The following DAB1 variants were observed in gnomAD, a reference collection of about 807,000 sequenced individuals.
DAB1 encodes disabled homolog 1.
A neutral mutation model predicts 64.6 loss-of-function variants in DAB1; 15 were observed. That is an observed-to-expected ratio of 0.23 (90% CI 0.16 to 0.36). DAB1 has a LOEUF of 0.36. Ranked by LOEUF, DAB1 falls within the 10% of genes least tolerant of loss-of-function variation. The pLI, the probability that DAB1 is intolerant of heterozygous loss-of-function variation, is 1.00. For missense variants in DAB1, 596 were observed against 706.7 expected, an observed-to-expected ratio of 0.84 and a Z score of 1.78; for synonymous variants, 235 against 251.9, an observed-to-expected ratio of 0.93 and a Z score of 0.64.
rs147545468 is a variant in DAB1 at position 58,056,435 on chromosome 1, C to T, written n.387+94076G>A. Reference sequence around the variant, plus strand: ...GTGCAGCGAATAGGCTGCACGTGGCCGCGGCCCTTTTTGGCACGACCATTG... The same window carrying T: ...GTGCAGCGAATAGGCTGCACGTGGCTGCGGCCCTTTTTGGCACGACCATTG... On this transcript the variant is annotated intron_variant and non_coding_transcript_variant, in intron 5 of 20. Transcript: ENST00000485760. The T allele has an allele frequency of 3.2e-4, 502 of 1,547,498 alleles. 3 individuals carry two copies. In the South Asian group the frequency reaches 3.4e-3, roughly 10 times the overall value.
chr1:57,595,414 A>AAGCTAC (rs111953307), intron 7 of DAB1, among the ~76,000 whole-genome samples: 6,538 of 152,098 alleles, frequency 0.043, 470 homozygotes, highest in African/African-American at 0.15. Flanking sequence ...ATTTAGAGCA[A>AAGCTAC]AGAAAGGAAA....
At chr1:57,047,505 C>A (rs1212815554) in intron 9 of DAB1, among the ~76,000 whole-genome samples, 4 of 151,208 alleles carry the variant, frequency 2.6e-5, no homozygotes, top group Non-Finnish European at 5.9e-5. Flanking sequence ...GTTCCCACCC[C>A]CTCACTACCA....
intron 5 of DAB1, among the ~76,000 whole-genome samples, chr1:57,971,388 C>T (rs1052244386): frequency 6.6e-6 from 1 of 152,190 alleles, no homozygotes; most frequent in South Asian, 2.1e-4. Context: ...ACCTGATTTT[C>T]ATGACTATCC....
chr1:58,026,780 A>AT (rs1475018797), intron 5 of DAB1, among the ~76,000 whole-genome samples: 1 of 152,042 alleles, frequency 6.6e-6, no homozygotes, highest in Non-Finnish European at 1.5e-5. Context: ...TCCATGGGAG[A>AT]TTTGTGTATA....
At chr1:57,260,074 C>A (rs911614582) in intron 2 of DAB1, among the ~76,000 whole-genome samples, 1 of 152,084 alleles carries the variant, frequency 6.6e-6, no homozygotes, top group African/African-American at 2.4e-5. Context: ...ATAGAGAACT[C>A]GGCCAAGAAG....
intron 3 of DAB1, among the ~76,000 whole-genome samples, chr1:58,365,219 C>T (rs1644205741): frequency 6.6e-6 from 1 of 152,186 alleles, no homozygotes; most frequent in African/African-American, 2.4e-5. Context: ...CTGGAGAAAG[C>T]ATTTCTCTAA....
At chr1:57,049,376 G>A (rs1035032843) in intron 9 of DAB1, among the ~76,000 whole-genome samples, 7 of 147,294 alleles carry the variant, frequency 4.8e-5, no homozygotes, top group Non-Finnish European at 8.9e-5. Context: ...GCATGAACCC[G>A]GGAGGCAGAG....
Position 58,377,928 on chromosome 1 carries a change from T to G in DAB1, n.258-34525A>C, listed in dbSNP as rs574116971. ...TTCCCTTCTCGCTTCATTTCATTCA[T>G]TTCATCTTCCATTGCTGATACCCTT... On this transcript the variant is annotated intron_variant and non_coding_transcript_variant, in intron 3 of 20. Transcript: ENST00000485760. 7.7e-5 allele frequency among the ~76,000 whole-genome samples: 11 copies of G among 142,512 alleles called. 1 individual carries two copies. In the East Asian group the frequency reaches 2.2e-3, roughly 28 times the overall value. The allele number at this position is 142,512 out of a possible 152,430, so 93.5% of individuals were successfully genotyped here.
At chr1:57,164,425 T>C (rs148149247) in intron 2 of DAB1, among the ~76,000 whole-genome samples, 9 of 152,236 alleles carry the variant, frequency 5.9e-5, no homozygotes, top group East Asian at 3.9e-4. Context: ...ATCTTGGTGA[T>C]TGAACCACCA....
chr1:57,533,016 C>T (rs1406807717), intron 7 of DAB1, among the ~76,000 whole-genome samples: 1 of 152,076 alleles, frequency 6.6e-6, no homozygotes, highest in African/African-American at 2.4e-5. Flanking sequence ...CAAAAATGTA[C>T]ACACAGTTCA....
intron 6 of DAB1, among the ~76,000 whole-genome samples, chr1:57,816,990 C>T (rs1183578870): frequency 6.6e-6 from 1 of 152,148 alleles, no homozygotes; most frequent in Non-Finnish European, 1.5e-5. Flanking sequence ...GAAATTATCT[C>T]ATAATTCTAT....
intron 4 of DAB1, among the ~76,000 whole-genome samples, chr1:58,164,189 TAAAAA>T (rs71691727): frequency 1.7e-5 from 2 of 115,474 alleles, no homozygotes; most frequent in Non-Finnish European, 3.6e-5. Context: ...GAGCTCAGCT[TAAAAA>T]AAAAAAAAAA....
intron 3 of DAB1, chr1:58,481,233 G>A: frequency 1.8e-6 from 1 of 570,680 alleles, no homozygotes; most frequent in Non-Finnish European, 3.0e-6. Context: ...TATTCAGATT[G>A]TTTCAGTAAT....
chr1:57,333,511 C>A (rs1676846227), intron 1 of DAB1, among the ~76,000 whole-genome samples: 1 of 152,204 alleles, frequency 6.6e-6, no homozygotes, highest in Admixed American at 6.5e-5. Flanking sequence ...TCTTATTTCT[C>A]CACCTCGCTT....
At chr1:57,207,482 C>T (rs1357863657) in intron 2 of DAB1, among the ~76,000 whole-genome samples, 1 of 84,750 alleles carries the variant, frequency 1.2e-5, no homozygotes, top group Admixed American at 1.6e-4. Flanking sequence ...CTCGCTCTGT[C>T]GCCCAGGCTG....
At chr1:57,378,130 G>A (rs1425031229) in intron 1 of DAB1, among the ~76,000 whole-genome samples, 2 of 152,216 alleles carry the variant, frequency 1.3e-5, no homozygotes, top group Admixed American at 1.3e-4. Context: ...TCAGAGCTCA[G>A]AGCAGGATGG....
intron 2 of DAB1, among the ~76,000 whole-genome samples, chr1:57,222,969 C>T (rs570426966): frequency 2.8e-4 from 43 of 152,300 alleles, no homozygotes; most frequent in African/African-American, 9.9e-4. Flanking sequence ...CCACATCACA[C>T]GCCTCCTGGG....
At chr1:58,200,482 T>A (rs1657935943) in intron 4 of DAB1, among the ~76,000 whole-genome samples, 1 of 152,212 alleles carries the variant, frequency 6.6e-6, no homozygotes, top group African/African-American at 2.4e-5. Flanking sequence ...TCACACAGAT[T>A]ACTTATCCAA....
At chr1:57,945,791 C>A (rs1436445704) in intron 5 of DAB1, among the ~76,000 whole-genome samples, 3 of 152,174 alleles carry the variant, frequency 2.0e-5, no homozygotes, top group African/African-American at 4.8e-5. Context: ...ACCTGTCAAT[C>A]CCAGAATAGA....
Sources: allele counts gnomAD v4.1 joint callset (sites outside exome capture counted in the v4.1 genomes callset), GRCh38; gene constraint gnomAD v4.1.1; transcripts MANE v1.5; gene names NCBI Gene and HGNC (gene_info 2026-07-23, HGNC 2026-07-21).